The following FAM120C variants were observed in gnomAD, a reference collection of about 807,000 sequenced individuals.
FAM120C encodes family with sequence similarity 120 member C, also known as constitutive coactivator of PPAR-gamma-like protein 2.
A neutral mutation model predicts 71.2 loss-of-function variants in FAM120C; 14 were observed. That is an observed-to-expected ratio of 0.20 (90% CI 0.13 to 0.31). The LOEUF is 0.31. Ranked by LOEUF, FAM120C falls within the 10% of genes least tolerant of loss-of-function variation. The probability of loss-of-function intolerance (pLI) is 1.00; values close to 1 mark genes in which losing one functional copy is unlikely to be tolerated. For missense variants in FAM120C, 500 were observed against 879.0 expected, an observed-to-expected ratio of 0.57 and a Z score of 5.45; for synonymous variants, 354 against 353.2, an observed-to-expected ratio of 1.00 and a Z score of -0.03.
intron 4 of FAM120C, among the ~76,000 whole-genome samples, chrX:54,142,883 G>C (rs1300722409): frequency 9.0e-6 from 1 of 111,509 alleles, no homozygotes; most frequent in South Asian, 3.8e-4. Context: ...GCCCCTCTGA[G>C]ATGAAGCTTC....
At chrX:54,151,198 G>A (rs2067182794) in intron 4 of FAM120C, 47 bp downstream of exon 4, 12 of 1,195,920 alleles carry the variant, frequency 1.0e-5, no homozygotes, top group Non-Finnish European at 1.4e-5. Flanking sequence ...TGTTGCTGAA[G>A]AAGGTAAGAA....
At chrX:54,118,474 G>C (rs1557127028) in intron 9 of FAM120C, among the ~76,000 whole-genome samples, 1 of 109,587 alleles carries the variant, frequency 9.1e-6, no homozygotes, top group African/African-American at 3.3e-5. Context: ...ATGCCCAAGA[G>C]TGTAAGTGCT....
chrX:54,072,930 G>A lies in FAM120C; in HGVS notation c.*103C>T, dbSNP rs944438502. ...TAGGACATCCCACCAAAATCCTGGA[G>A]AAATCTAGGGTAAGCATTTATATCC... On this transcript the variant is annotated 3_prime_UTR_variant, in exon 16 of 16. Transcript: ENST00000375180. 1 of 1,012,749 alleles carries A rather than the reference G, an allele frequency of 9.9e-7. No individual in the cohort carries two copies. Among genetic ancestry groups the A allele is most frequent in the Non-Finnish European group, 1.3e-6 (1 of 760,919 alleles). 83.5% of individuals were successfully genotyped at this position (1,012,749 alleles called of 1,213,427 possible).
chrX:54,091,586 C>T (rs1323537346), intron 10 of FAM120C, among the ~76,000 whole-genome samples, 160 bp from the exon 11 acceptor site: 1 of 112,052 alleles, frequency 8.9e-6, no homozygotes, highest in African/African-American at 3.2e-5. Context: ...TACTTCCAGT[C>T]TGGGTGGTAG....
rs139590514 is a variant in FAM120C, at chrX:54,169,871, C to A, written c.700-10255G>T. On this transcript the variant is annotated intron_variant, in intron 1 of 15. Coordinates refer to ENST00000375180, the MANE Select transcript of FAM120C (RefSeq NM_017848.6). ...TACATTGTGGAGTTCACCAACCAAC[C>A]ATTAAGAGACCAGACTGATAATCAC... Among the ~76,000 whole-genome samples, 524 of 111,906 alleles carry A rather than the reference C, an allele frequency of 4.7e-3. 2 individuals carry two copies. Among genetic ancestry groups the A allele is most frequent in the African/African-American group, 0.016 (493 of 30,802 alleles).
intron 4 of FAM120C, among the ~76,000 whole-genome samples, chrX:54,142,835 T>A (rs2067133083): frequency 1.8e-5 from 2 of 111,766 alleles, no homozygotes; most frequent in Admixed American, 1.9e-4. Context: ...GGGAGACACC[T>A]CCCAGTAGGG....
At chrX:54,163,708 C>T (rs1411754433) in intron 1 of FAM120C, among the ~76,000 whole-genome samples, 1 of 110,691 alleles carries the variant, frequency 9.0e-6, no homozygotes, top group Non-Finnish European at 1.9e-5. Flanking sequence ...GATTCAAATT[C>T]AGCTCTGTTT....
chrX:54,159,761 C>CTT (rs782661576), intron 1 of FAM120C, 145 bp from the exon 2 acceptor site: 630 of 344,474 alleles, frequency 1.8e-3, no homozygotes, highest in Middle Eastern at 2.8e-3. Context: ...ACATTTTTTA[C>CTT]TTTTTTTTTT....
At chrX:54,109,406 T>A (rs1289900115) in intron 10 of FAM120C, among the ~76,000 whole-genome samples, 1 of 98,807 alleles carries the variant, frequency 1.0e-5, no homozygotes, top group Non-Finnish European at 2.0e-5. Flanking sequence ...GAGGATCACT[T>A]GAGCCCAGGT....
chrX:54,155,580 T>C (rs2067205283), intron 3 of FAM120C, among the ~76,000 whole-genome samples: 1 of 111,739 alleles, frequency 8.9e-6, no homozygotes, highest in South Asian at 3.8e-4. Flanking sequence ...AACTCATGTG[T>C]AGACAAGTCT....
rs782364406 is a variant in FAM120C at position 54,069,061 on chromosome X, A to AT, written c.*3971dup. On this transcript the variant is annotated 3_prime_UTR_variant, in exon 16 of 16. Transcript: ENST00000375180. ...TGAAATGGGCACCCTAGCACAGGGG[A>AT]TTTTTTTATTTTGCTTTTAACTTGG... is the stretch of plus-strand genomic sequence containing the variant. 2 of 111,794 alleles carry AT rather than the reference A, an allele frequency of 1.8e-5. No individual in the cohort carries two copies. Among genetic ancestry groups the AT allele is most frequent in the African/African-American group, 6.5e-5 (2 of 30,782 alleles). The allele number at this position is 111,794 out of a possible 1,213,427, so 9.2% of individuals were successfully genotyped here. A position where few individuals can be genotyped will look rare whatever the true frequency, so the allele number is the denominator to read the frequency against.
At chrX:54,079,179 G>GT (rs2066751460) in intron 15 of FAM120C, among the ~76,000 whole-genome samples, 1 of 104,657 alleles carries the variant, frequency 9.6e-6, no homozygotes, top group African/African-American at 3.5e-5. Flanking sequence ...GGAGAATGGT[G>GT]TGAACCCGGG....
At chrX:54,100,324 T>C (rs1557123967) in intron 10 of FAM120C, among the ~76,000 whole-genome samples, 1 of 111,073 alleles carries the variant, frequency 9.0e-6, no homozygotes, top group Non-Finnish European at 1.9e-5. Context: ...ACCCCATCTC[T>C]ACTAAAAATA....
intron 9 of FAM120C, among the ~76,000 whole-genome samples, chrX:54,124,725 G>A (rs781818094): frequency 9.0e-6 from 1 of 110,794 alleles, no homozygotes; most frequent in African/African-American, 3.3e-5. Context: ...GTTCCTATTC[G>A]GCCATCTTGG....
chrX:54,118,069 C>G (rs1196111388), intron 9 of FAM120C, among the ~76,000 whole-genome samples: 5 of 109,295 alleles, frequency 4.6e-5, no homozygotes, highest in African/African-American at 6.7e-5. Context: ...ACTAAAAATA[C>G]AAAATTAGCT....
At chrX:54,135,188 C>T (rs899163426) in intron 6 of FAM120C, 77 bp from the exon 7 acceptor site, 103 of 976,354 alleles carry the variant, frequency 1.1e-4, no homozygotes, top group Non-Finnish European at 1.3e-4. Context: ...AGTTGTGACA[C>T]AGTGGATGAT....
chrX:54,140,209 T>C (rs1225607249), intron 4 of FAM120C, among the ~76,000 whole-genome samples: 5 of 105,692 alleles, frequency 4.7e-5, no homozygotes, highest in East Asian at 2.9e-4. Context: ...GGCAGGAGAA[T>C]TGCATGAACC....
intron 12 of FAM120C, among the ~76,000 whole-genome samples, 193 bp downstream of exon 12, chrX:54,087,562 C>T (rs1328480244): frequency 9.0e-6 from 1 of 111,231 alleles, no homozygotes; most frequent in Non-Finnish European, 1.9e-5. Context: ...AACTTTCCAA[C>T]ATAAAATTTT....
At chrX:54,179,881 A>G (rs2067338392) in intron 1 of FAM120C, among the ~76,000 whole-genome samples, 1 of 112,097 alleles carries the variant, frequency 8.9e-6, no homozygotes, top group Non-Finnish European at 1.9e-5. Context: ...CTAAGGACTA[A>G]AGAGGACTGC....
Sources: gnomAD v4.1 joint callset for allele counts (sites outside exome capture counted in the v4.1 genomes callset) on GRCh38, gnomAD v4.1.1 for gene constraint, MANE v1.5 for transcripts, NCBI Gene and HGNC (gene_info 2026-07-23, HGNC 2026-07-21) for gene names.